The following CHRM3 variants were observed in gnomAD, a reference collection of about 807,000 sequenced individuals.
The protein encoded by CHRM3 is cholinergic receptor muscarinic 3.
Under a neutral mutation model 41.8 loss-of-function variants are expected in CHRM3, and 11 were observed. The observed-to-expected ratio is 0.26, with a 90% CI of 0.17 to 0.44. The LOEUF is 0.44. Ranked by LOEUF, CHRM3 falls within the 20% of genes least tolerant of loss-of-function variation. CHRM3 has a pLI of 1.00. For missense variants in CHRM3, 571 were observed against 745.4 expected (o/e 0.77, Z 2.72); for synonymous variants, 297 against 301.4 (o/e 0.99, Z 0.15).
chr1:239,594,570 C>T (rs969967792), intron 3 of CHRM3, among the ~76,000 whole-genome samples: 1 of 152,078 alleles, frequency 6.6e-6, no homozygotes, highest in African/African-American at 2.4e-5. Flanking sequence ...CTGTCTTCAC[C>T]ATCTCAAACT....
chr1:239,476,134 G>T (rs1379089856), intron 1 of CHRM3, among the ~76,000 whole-genome samples: 3 of 151,974 alleles, frequency 2.0e-5, no homozygotes, highest in African/African-American at 7.2e-5. Flanking sequence ...CTTATGAATG[G>T]TTATACTGCC....
intron 5 of CHRM3, among the ~76,000 whole-genome samples, chr1:239,759,164 T>C (rs1666495042): frequency 7.4e-6 from 1 of 135,310 alleles, no homozygotes; most frequent in African/African-American, 3.2e-5. Flanking sequence ...TGGGTTTTTT[T>C]TTTTGTTTTT....
chr1:239,741,950 G>A (rs973225423), intron 5 of CHRM3, among the ~76,000 whole-genome samples: 39 of 152,106 alleles, frequency 2.6e-4, no homozygotes, highest in Admixed American at 1.3e-3. Flanking sequence ...CCCATGCATC[G>A]TATAGTTCCA....
At chr1:239,596,560 G>A (rs1201001281) in intron 3 of CHRM3, among the ~76,000 whole-genome samples, 1 of 152,018 alleles carries the variant, frequency 6.6e-6, no homozygotes, top group African/African-American at 2.4e-5. Context: ...CTTTTCGATG[G>A]ATCAAAATAT....
intron 5 of CHRM3, among the ~76,000 whole-genome samples, chr1:239,743,788 C>CTTTTTTTTTTTTTTTTTTTTTTT: frequency 3.0e-3 from 242 of 81,192 alleles, no homozygotes; most frequent in Non-Finnish European, 3.6e-3. Flanking sequence ...TTTTTTTTTT[C>CTTTTTTTTTTTTTTTTTTTTTTT]TTTTTTTTTT....
intron 5 of CHRM3, among the ~76,000 whole-genome samples, chr1:239,711,398 A>G (rs1343260169): frequency 6.6e-6 from 1 of 152,094 alleles, no homozygotes; most frequent in African/African-American, 2.4e-5. Flanking sequence ...CATGTGGTTC[A>G]ATAATGCTTG....
intron 2 of CHRM3, among the ~76,000 whole-genome samples, chr1:239,518,390 CAGTT>C (rs1462237269): frequency 2.0e-5 from 3 of 152,210 alleles, no homozygotes; most frequent in Non-Finnish European, 4.4e-5. Context: ...CTCAACTTCA[CAGTT>C]AAACTGTATG....
chr1:239,414,051 G>A (rs941736312), intron 1 of CHRM3, among the ~76,000 whole-genome samples: 1 of 152,156 alleles, frequency 6.6e-6, no homozygotes, highest in Non-Finnish European at 1.5e-5. Flanking sequence ...GGCCCTTGTC[G>A]TTTGTAAAGC....
chr1:239,783,125 T>C (rs1668627761), intron 5 of CHRM3, among the ~76,000 whole-genome samples: 1 of 152,096 alleles, frequency 6.6e-6, no homozygotes, highest in South Asian at 2.1e-4. Flanking sequence ...ACCTATGGTA[T>C]TTTTGAGCTC....
At chr1:239,707,393 G>A (rs1661301963) in intron 5 of CHRM3, 1 of 152,120 alleles carries the variant, frequency 6.6e-6, no homozygotes, top group Non-Finnish European at 1.5e-5. Context: ...CAGCCGTTGT[G>A]GGCCCGTGAT....
chr1:239,643,858 C>T (rs570668904), intron 4 of CHRM3, among the ~76,000 whole-genome samples: 6 of 152,298 alleles, frequency 3.9e-5, no homozygotes, highest in South Asian at 2.1e-4. Flanking sequence ...CTGTCTTCTG[C>T]GTCGCTCACA....
At chr1:239,743,975 T>A (rs1665118612) in intron 5 of CHRM3, among the ~76,000 whole-genome samples, 1 of 117,502 alleles carries the variant, frequency 8.5e-6, no homozygotes, top group Admixed American at 8.9e-5. Context: ...TTTTTTTAAG[T>A]TTTTTTTTTT....
At chr1:239,771,797 G>A (rs775957628) in intron 5 of CHRM3, among the ~76,000 whole-genome samples, 2 of 152,166 alleles carry the variant, frequency 1.3e-5, no homozygotes, top group Non-Finnish European at 1.5e-5. Context: ...TTGGCCTACA[G>A]GCCCATAGGT....
intron 1 of CHRM3, among the ~76,000 whole-genome samples, chr1:239,462,801 T>C (rs570139791): frequency 1.4e-4 from 21 of 152,370 alleles, no homozygotes; most frequent in African/African-American, 4.8e-4. Context: ...ATGCTTCACA[T>C]TATATTAGCA....
chr1:239,838,570 A>C (rs1031929532), intron 6 of CHRM3, among the ~76,000 whole-genome samples: 1 of 152,210 alleles, frequency 6.6e-6, no homozygotes, highest in African/African-American at 2.4e-5. Context: ...CCTTACCACA[A>C]GCCTACAAAG....
At chr1:239,494,342 GT>G (rs1667745627) in intron 2 of CHRM3, among the ~76,000 whole-genome samples, 1 of 152,074 alleles carries the variant, frequency 6.6e-6, no homozygotes, top group African/African-American at 2.4e-5. Context: ...ACCAAATCCT[GT>G]TTTGGTCAGC....
chr1:239,404,719 A>AATAAATATAT (rs1660435880), intron 1 of CHRM3, among the ~76,000 whole-genome samples: 1 of 97,340 alleles, frequency 1.0e-5, no homozygotes, highest in South Asian at 4.2e-4. Context: ...GCTATATCTA[A>AATAAATATAT]ATATATATAT....
chr1:239,532,650 G>A (rs1428143821), intron 2 of CHRM3, among the ~76,000 whole-genome samples: 1 of 150,698 alleles, frequency 6.6e-6, no homozygotes, highest in Admixed American at 6.6e-5. Context: ...ATATGTAGGA[G>A]TTCCACTCTA....
At chr1:239,887,124 A>G (rs1678138740) in intron 6 of CHRM3, among the ~76,000 whole-genome samples, 1 of 151,714 alleles carries the variant, frequency 6.6e-6, no homozygotes, top group East Asian at 1.9e-4. Context: ...GAGAGAATCC[A>G]CTTTCTTCTT....
Sources: gnomAD v4.1 joint callset for allele counts (sites outside exome capture counted in the v4.1 genomes callset) on GRCh38, gnomAD v4.1.1 for gene constraint, MANE v1.5 for transcripts, NCBI Gene and HGNC (gene_info 2026-07-23, HGNC 2026-07-21) for gene names.